The following ADAMTS5 variants were observed in gnomAD, a reference collection of about 807,000 sequenced individuals.
The protein encoded by ADAMTS5 is A disintegrin and metalloproteinase with thrombospondin motifs 5.
Under a neutral mutation model 81.4 loss-of-function variants are expected in ADAMTS5, and 54 were observed. The ratio of observed to expected loss-of-function variants is 0.66; its 90% CI spans 0.53 to 0.83. The LOEUF (loss-of-function observed/expected upper bound fraction) is 0.83. Among genes scored for constraint, ADAMTS5 ranks in the 40% least tolerant of loss-of-function variants. The pLI, the probability that ADAMTS5 is intolerant of heterozygous loss-of-function variation, is 0.00. For synonymous variants in ADAMTS5, 532 were observed against 508.8 expected (o/e 1.05, Z -0.61); for missense variants, 1,194 against 1,229.9 (o/e 0.97, Z 0.44).
At position 26,920,485 on chromosome 21, in the gene ADAMTS5, C is replaced by G; in HGVS notation, c.*3568G>C. Reference sequence around the variant, plus strand: ...ATCTATTTGTGCTCATCTGTAGAATCCTACAGACACTAGAGACTAAATGAT... The same window carrying G: ...ATCTATTTGTGCTCATCTGTAGAATGCTACAGACACTAGAGACTAAATGAT... On this transcript the variant is annotated 3_prime_UTR_variant, in exon 8 of 8. Coordinates refer to ENST00000284987, the MANE Select transcript of ADAMTS5 (RefSeq NM_007038.5). The G allele has an allele frequency of 6.6e-6, 1 of 152,088 alleles. No homozygotes were observed. Among genetic ancestry groups the G allele is most frequent in the Non-Finnish European group, 1.5e-5 (1 of 68,008 alleles). 9.4% of individuals were successfully genotyped at this position (152,088 alleles called of 1,614,324 possible).
At chr21:26,954,453 G>A (rs995766084) in intron 2 of ADAMTS5, among the ~76,000 whole-genome samples, 3 of 152,170 alleles carry the variant, frequency 2.0e-5, no homozygotes, top group African/African-American at 7.2e-5. Context: ...TCATCCAGGG[G>A]TCATTTACGG....
chr21:26,943,498 G>A lies in ADAMTS5; in HGVS notation c.1287C>T (p.Thr429=). The change falls in exon 3 of 8, where the codon ACC becomes ACT. Residue 429 remains threonine, a synonymous_variant. Transcript: ENST00000284987. ...AGCGCTTATCTTCTGTGGAACCAAA[G>A]GTCTCTTCACAGAATTTGGAATCGT... ...SHDDSKFCEE[T]FGSTEDKRLM... 1 of 1,613,638 alleles carries A rather than the reference G, an allele frequency of 6.2e-7. No individual in the cohort carries two copies. The highest frequency in any genetic ancestry group is 1.1e-5 in the South Asian group (1 of 91,064).
intron 2 of ADAMTS5, among the ~76,000 whole-genome samples, chr21:26,949,355 C>A (rs971720279): frequency 4.6e-5 from 7 of 151,754 alleles, no homozygotes; most frequent in Non-Finnish European, 1.0e-4. Flanking sequence ...CCACCCTTGG[C>A]TAATTTATTT....
At chr21:26,928,509 A>G (rs1986843720) in intron 7 of ADAMTS5, among the ~76,000 whole-genome samples, 1 of 152,222 alleles carries the variant, frequency 6.6e-6, no homozygotes, top group Non-Finnish European at 1.5e-5. Context: ...ATAACTTTAT[A>G]TAGAAGAGAA....
In ADAMTS5 at chr21:26,958,380, C is replaced by T. The variant is rs529562897; in HGVS notation, c.1105-3509G>A. Among the ~76,000 whole-genome samples, 8 of 152,202 alleles carry T rather than the reference C, an allele frequency of 5.3e-5. No homozygotes were observed. The East Asian group carries it at 1.4e-3, about 26-fold the overall frequency. On this transcript the variant is annotated intron_variant, in intron 1 of 7. Transcript: ENST00000284987. ...GAGCACATACACACACACACACAAACGCATGCATATTTGTTCTGTGGATCT... is the reference window on the plus strand; with the variant it reads ...GAGCACATACACACACACACACAAATGCATGCATATTTGTTCTGTGGATCT...
chr21:26,959,923 C>A (rs1408599570), intron 1 of ADAMTS5, among the ~76,000 whole-genome samples: 1 of 152,132 alleles, frequency 6.6e-6, no homozygotes, highest in Non-Finnish European at 1.5e-5. Flanking sequence ...CTTCTTAGAG[C>A]ACAGATCTTA....
At chr21:26,938,202 C>G (rs229046) in intron 3 of ADAMTS5, among the ~76,000 whole-genome samples, 47,183 of 151,384 alleles carry the variant, frequency 0.31, 7,907 homozygotes, top group South Asian at 0.42. Flanking sequence ...CAAGATCGCA[C>G]CATTGCACTC....
chr21:26,943,676 C>A (rs535021761), intron 2 of ADAMTS5, 129 bp from the exon 3 acceptor site: 23 of 802,512 alleles, frequency 2.9e-5, no homozygotes, highest in Non-Finnish European at 4.4e-5. Context: ...GCTTTCTCAC[C>A]CAGAGACTGG....
chr21:26,960,597 G>A (rs372917121), intron 1 of ADAMTS5, among the ~76,000 whole-genome samples: 2 of 152,294 alleles, frequency 1.3e-5, no homozygotes, highest in African/African-American at 4.8e-5. Context: ...GCCATTTATA[G>A]GACAGGAAGA....
chr21:26,944,438 T>C (rs752904934), intron 2 of ADAMTS5, among the ~76,000 whole-genome samples: 4 of 152,206 alleles, frequency 2.6e-5, no homozygotes, highest in Non-Finnish European at 5.9e-5. Context: ...CATAATTGCA[T>C]TCTTATAATC....
intron 7 of ADAMTS5, among the ~76,000 whole-genome samples, chr21:26,928,924 T>C (rs1483175717): frequency 6.6e-6 from 1 of 152,158 alleles, no homozygotes; most frequent in African/African-American, 2.4e-5. Flanking sequence ...CATATAAAAA[T>C]GCAGGATATA....
chr21:26,939,415 A>G (rs1046562426), intron 3 of ADAMTS5, among the ~76,000 whole-genome samples: 2 of 152,208 alleles, frequency 1.3e-5, no homozygotes, highest in African/African-American at 4.8e-5. Context: ...AGATACAACC[A>G]TAGTGTTGGC....
chr21:26,941,409 A>G (rs1987111926), intron 3 of ADAMTS5, among the ~76,000 whole-genome samples: 2 of 152,262 alleles, frequency 1.3e-5, no homozygotes, highest in African/African-American at 2.4e-5. Flanking sequence ...AATTTGTTAT[A>G]AAATCTTTAA....
chr21:26,927,043 C>G (rs1986817787), intron 7 of ADAMTS5, among the ~76,000 whole-genome samples: 1 of 152,056 alleles, frequency 6.6e-6, no homozygotes, highest in Non-Finnish European at 1.5e-5. Flanking sequence ...TTCCTGATTC[C>G]TTTTCTTTAC....
rs1187040204 is a variant in ADAMTS5 at position 26,920,551 on chromosome 21, A to T, written c.*3502T>A. 3 of 152,084 alleles carry T rather than the reference A, an allele frequency of 2.0e-5. No homozygotes were observed. In the East Asian group the frequency reaches 5.8e-4, roughly 29 times the overall value. The allele number at this position is 152,084 out of a possible 1,614,324, so 9.4% of individuals were successfully genotyped here. On this transcript the variant is annotated 3_prime_UTR_variant, in exon 8 of 8. Coordinates refer to ENST00000284987, the MANE Select transcript of ADAMTS5 (RefSeq NM_007038.5). ...TGTTTCTAAAGGAGAAACAGACAAC[A>T]TTTGGTTTTATTATCGTTTGTATCC...
chr21:26,928,691 T>TTC (rs201187214), intron 7 of ADAMTS5, among the ~76,000 whole-genome samples: 2 of 151,358 alleles, frequency 1.3e-5, no homozygotes, highest in South Asian at 2.1e-4. Context: ...TTTTCTTTCT[T>TTC]TCTCTCTCTC....
At chr21:26,952,470 T>C (rs947487144) in intron 2 of ADAMTS5, among the ~76,000 whole-genome samples, 15 of 152,196 alleles carry the variant, frequency 9.9e-5, no homozygotes, top group African/African-American at 3.4e-4. Context: ...TCAGGAGAGC[T>C]GGGAAAGGTG....
At chr21:26,962,503 C>T (rs1430411997) in intron 1 of ADAMTS5, among the ~76,000 whole-genome samples, 1 of 152,208 alleles carries the variant, frequency 6.6e-6, no homozygotes, top group Non-Finnish European at 1.5e-5. Flanking sequence ...GAGTTACTAG[C>T]TCTATTCTGC....
chr21:26,953,735 T>C (rs974137886), intron 2 of ADAMTS5, among the ~76,000 whole-genome samples: 2 of 152,148 alleles, frequency 1.3e-5, no homozygotes, highest in African/African-American at 4.8e-5. Flanking sequence ...AGTTGATACA[T>C]ACATTTCAAA....
Sources: allele counts gnomAD v4.1 joint callset (sites outside exome capture counted in the v4.1 genomes callset), GRCh38; gene constraint gnomAD v4.1.1; transcripts MANE v1.5; gene names NCBI Gene and HGNC (gene_info 2026-07-23, HGNC 2026-07-21).